The following GALNT2 variants were observed in gnomAD, a reference collection of about 807,000 sequenced individuals.
GALNT2 encodes the protein polypeptide N-acetylgalactosaminyltransferase 2, also known as UDP-GalNAc:polypeptide N-acetylgalactosaminyltransferase 2.
GALNT2 carries 31 observed loss-of-function variants against 81.4 expected under a neutral mutation model. The observed-to-expected ratio is 0.38, with a 90% CI of 0.29 to 0.51. The LOEUF is 0.51. GALNT2 is among the 20% of genes least tolerant of loss of function. The pLI is 0.87. For missense variants in GALNT2, 629 were observed against 765.7 expected, an observed-to-expected ratio of 0.82 and a Z score of 2.11; for synonymous variants, 303 against 287.4, an observed-to-expected ratio of 1.05 and a Z score of -0.55.
In GALNT2 at chr1:230,262,704, TC is replaced by T. The variant is rs777121836; in HGVS notation, c.1229+40del. The T allele has an allele frequency of 6.2e-5, 93 of 1,488,700 alleles. No individual in the cohort carries two copies. In the African/African-American group the frequency reaches 1.1e-3, roughly 18 times the overall value. 92.2% of individuals were successfully genotyped at this position (1,488,700 alleles called of 1,614,324 possible). A position where few individuals can be genotyped will look rare whatever the true frequency, so the allele number is the denominator to read the frequency against. On this transcript the variant is annotated intron_variant, in intron 12 of 15. Transcript: ENST00000366672. Reference sequence around the variant, plus strand: ...CTGCCTTCTCACAATTACTGGGGATTCTTGGGGTGTGGGGGTGGGAGGTAAG... The same window carrying T: ...CTGCCTTCTCACAATTACTGGGGATTTTGGGGTGTGGGGGTGGGAGGTAAG...
At chr1:230,230,485 C>T (rs1664836807) in intron 3 of GALNT2, among the ~76,000 whole-genome samples, 1 of 152,134 alleles carries the variant, frequency 6.6e-6, no homozygotes, top group Non-Finnish European at 1.5e-5. Context: ...CTGTGGAGAC[C>T]AGCATTTCGG....
intron 1 of GALNT2, among the ~76,000 whole-genome samples, chr1:230,147,291 A>T (rs1042666301): frequency 1.3e-5 from 2 of 152,202 alleles, no homozygotes; most frequent in Non-Finnish European, 2.9e-5. Flanking sequence ...GGCATTTTCT[A>T]GTTTCCAAGA....
intron 1 of GALNT2, among the ~76,000 whole-genome samples, chr1:230,123,597 T>C (rs2102804072): frequency 6.6e-6 from 1 of 152,348 alleles, no homozygotes; most frequent in Admixed American, 6.5e-5. Flanking sequence ...TCAGTTGTCT[T>C]TCATTTTGTA....
At chr1:230,073,467 C>A (rs1008396241) in intron 1 of GALNT2, among the ~76,000 whole-genome samples, 5 of 152,362 alleles carry the variant, frequency 3.3e-5, no homozygotes, top group African/African-American at 1.2e-4. Flanking sequence ...CTGCCTGGCT[C>A]TTGCCTCCTG....
chr1:230,061,711 C>T (rs910375990), intron 1 of GALNT2, among the ~76,000 whole-genome samples: 1 of 152,120 alleles, frequency 6.6e-6, no homozygotes, highest in Non-Finnish European at 1.5e-5. Context: ...ATCCCTTCTA[C>T]CTTTCCCTCC....
In GALNT2 at chr1:230,106,614, G is replaced by A. The variant is rs115896542; in HGVS notation, c.126+39208G>A. On this transcript the variant is annotated intron_variant, in intron 1 of 15. Coordinates refer to ENST00000366672, the MANE Select transcript of GALNT2 (RefSeq NM_004481.5). ...TAGAACAGTAATGCATAATTATGGA[G>A]CATTTGCTGTATGGCAGGCATTCGT... Among the ~76,000 whole-genome samples the A allele has an allele frequency of 9.2e-3, 1,399 of 152,362 alleles. 14 individuals carry two copies. Among genetic ancestry groups the A allele is most frequent in the Non-Finnish European group, 0.016 (1,114 of 68,030 alleles).
chr1:230,192,464 A>AG (rs1360985085), intron 2 of GALNT2, among the ~76,000 whole-genome samples: 1 of 152,228 alleles, frequency 6.6e-6, no homozygotes, highest in East Asian at 1.9e-4. Flanking sequence ...TCTGGGCAGT[A>AG]GATTCACTTT....
chr1:230,108,386 C>G (rs758594505), intron 1 of GALNT2, among the ~76,000 whole-genome samples: 2 of 152,180 alleles, frequency 1.3e-5, no homozygotes, highest in African/African-American at 4.8e-5. Context: ...AACAATGAAG[C>G]TATGTCCCGA....
intron 3 of GALNT2, among the ~76,000 whole-genome samples, chr1:230,235,686 G>A (rs879894454): frequency 2.0e-5 from 3 of 152,138 alleles, no homozygotes; most frequent in Non-Finnish European, 2.9e-5. Context: ...TGTGAAAAGC[G>A]CATCTCTAGA....
At chr1:230,174,431 C>G (rs1048410618) in intron 1 of GALNT2, among the ~76,000 whole-genome samples, 8 of 152,154 alleles carry the variant, frequency 5.3e-5, no homozygotes, top group African/African-American at 1.9e-4. Context: ...CAGATGCCTC[C>G]TCTTGGTATC....
rs562740135 is a variant in GALNT2, at chr1:230,075,164, C to T, written c.126+7758C>T. 3.9e-4 allele frequency among the ~76,000 whole-genome samples: 47 copies of T among 120,200 alleles called. 1 individual carries two copies. Among genetic ancestry groups the T allele is most frequent in the Admixed American group, 3.3e-3 (26 of 7,916 alleles). The allele number at this position is 120,200 out of a possible 152,430, so 78.9% of individuals were successfully genotyped here. ...TTTTTGAGACAAAGTCTCACTCTGT[C>T]GCCCAGGCTGGAGTGCAGTGGCACA... On this transcript the variant is annotated intron_variant, in intron 1 of 15. Transcript: ENST00000366672.
chr1:230,065,428 T>C (rs373731001), upstream of GALNT2, among the ~76,000 whole-genome samples: 316 of 151,636 alleles, frequency 2.1e-3, 2 homozygotes, highest in African/African-American at 7.4e-3. Flanking sequence ...CCTAGATATG[T>C]GTGTGTGTGT....
intron 6 of GALNT2, among the ~76,000 whole-genome samples, chr1:230,238,527 G>A (rs1665100130): frequency 6.6e-6 from 1 of 152,166 alleles, no homozygotes; most frequent in African/African-American, 2.4e-5. Context: ...GAGGCTAGGT[G>A]GCTTTCTCAA....
chr1:230,144,398 C>G (rs1661846485), intron 1 of GALNT2, among the ~76,000 whole-genome samples: 2 of 152,202 alleles, frequency 1.3e-5, no homozygotes, highest in Non-Finnish European at 2.9e-5. Context: ...ATCACAGAGC[C>G]AGCGTCACCC....
At chr1:230,256,832 A>C (rs1442365622) in intron 11 of GALNT2, among the ~76,000 whole-genome samples, 1 of 152,162 alleles carries the variant, frequency 6.6e-6, no homozygotes, top group Non-Finnish European at 1.5e-5. Flanking sequence ...AATAGTAATC[A>C]ATGCTGTGAA....
chr1:230,166,631 G>C (rs754372732), intron 1 of GALNT2, among the ~76,000 whole-genome samples: 5 of 152,214 alleles, frequency 3.3e-5, no homozygotes, highest in Non-Finnish European at 7.3e-5. Flanking sequence ...TGACCAGTGG[G>C]TGTGATGTGC....
intron 1 of GALNT2, among the ~76,000 whole-genome samples, chr1:230,113,158 A>G (rs1660751722): frequency 6.6e-6 from 1 of 152,176 alleles, no homozygotes; most frequent in South Asian, 2.1e-4. Flanking sequence ...ATAGAGCCCC[A>G]GCGCTGGGCA....
chr1:230,128,257 ATGTGTG>A (rs59410758), intron 1 of GALNT2, among the ~76,000 whole-genome samples: 2 of 149,760 alleles, frequency 1.3e-5, no homozygotes, highest in Non-Finnish European at 3.0e-5. Context: ...GCGCTGGAGA[ATGTGTG>A]TGTGTGTGTG....
chr1:230,161,686 C>T (rs1558117354), intron 1 of GALNT2, among the ~76,000 whole-genome samples: 2 of 152,144 alleles, frequency 1.3e-5, no homozygotes, highest in Admixed American at 6.5e-5. Flanking sequence ...GTGCCTTTGG[C>T]GGGTGACTCA....
Sources: gnomAD v4.1 joint callset for allele counts (sites outside exome capture counted in the v4.1 genomes callset) on GRCh38, gnomAD v4.1.1 for gene constraint, MANE v1.5 for transcripts, NCBI Gene and HGNC (gene_info 2026-07-23, HGNC 2026-07-21) for gene names.